SNTG2: variants seen among roughly 807,000 people sequenced by gnomAD.
SNTG2 encodes syntrophin gamma 2.
Under a neutral mutation model 70.9 loss-of-function variants are expected in SNTG2, and 74 were observed. The ratio of observed to expected loss-of-function variants is 1.04; its 90% confidence interval spans 0.86 to 1.27. The LOEUF is 1.27. Ranked by LOEUF, SNTG2 falls within the 50% of genes most tolerant of loss-of-function variation. SNTG2 has a pLI of 0.00. For synonymous variants in SNTG2, 278 were observed against 273.8 expected (o/e 1.02, Z -0.15); for missense variants, 717 against 690.7 (o/e 1.04, Z -0.43).
chr2:998,533 T>C (rs1427436928), intron 1 of SNTG2, among the ~76,000 whole-genome samples: 1 of 151,392 alleles, frequency 6.6e-6, no homozygotes, highest in African/African-American at 2.4e-5. Context: ...GCAGTAACAA[T>C]AGACTAGACC....
chr2:1,104,797 G>C (rs906904958), intron 4 of SNTG2, among the ~76,000 whole-genome samples: 11 of 152,356 alleles, frequency 7.2e-5, no homozygotes, highest in African/African-American at 2.4e-4. Flanking sequence ...GCTGTTTGCT[G>C]TGGTTTTCTC....
chr2:1,005,584 G>C (rs1572212838), intron 1 of SNTG2, among the ~76,000 whole-genome samples: 1 of 151,278 alleles, frequency 6.6e-6, no homozygotes, highest in African/African-American at 2.4e-5. Context: ...CGGGTGGATC[G>C]CCTGAGGTCA....
intron 6 of SNTG2, among the ~76,000 whole-genome samples, chr2:1,149,672 G>GTTTTTTT (rs1221169268): frequency 6.8e-6 from 1 of 146,472 alleles, no homozygotes; most frequent in African/African-American, 2.6e-5. Flanking sequence ...GTTGATTAGC[G>GTTTTTTT]TTTTTTTTTT....
rs58713687 is a variant in SNTG2, at chr2:977,898, C to T, written c.72+26830C>T. 4.8e-3 allele frequency among the ~76,000 whole-genome samples: 727 copies of T among 152,350 alleles called. 7 individuals carry two copies. Among genetic ancestry groups the T allele is most frequent in the African/African-American group, 0.015 (642 of 41,578 alleles). ...AAGTAACTGATCTCATCTCTTTCAT[C>T]TCAGCTCACTGGTTTCTGAGAATGG... is the stretch of plus-strand genomic sequence containing the variant. On this transcript the variant is annotated intron_variant, in intron 1 of 16. Coordinates refer to ENST00000308624, the MANE Select transcript of SNTG2 (RefSeq NM_018968.4).
intron 1 of SNTG2, among the ~76,000 whole-genome samples, chr2:1,040,871 G>A (rs779213988): frequency 3.0e-4 from 46 of 152,162 alleles, no homozygotes; most frequent in Admixed American, 6.5e-4. Context: ...GATGGAGCCC[G>A]GCTGTGCCAT....
At chr2:1,182,287 A>G (rs1671957658) in intron 8 of SNTG2, among the ~76,000 whole-genome samples, 1 of 152,020 alleles carries the variant, frequency 6.6e-6, no homozygotes, top group African/African-American at 2.4e-5. Flanking sequence ...AACCTTTACC[A>G]AAAATGAATA....
At chr2:1,346,288 G>A (rs10890519) in intron 16 of SNTG2, 101,045 of 139,088 alleles carry the variant, frequency 0.73, 37,681 homozygotes, top group East Asian at 0.94. Context: ...CCTGCCTGGC[G>A]CTGGAACTCC....
intron 1 of SNTG2, among the ~76,000 whole-genome samples, chr2:1,054,755 T>C (rs1662282378): frequency 6.6e-6 from 1 of 152,236 alleles, no homozygotes; most frequent in African/African-American, 2.4e-5. Context: ...TTAATGTTGA[T>C]GTATTTTTGG....
intron 1 of SNTG2, among the ~76,000 whole-genome samples, chr2:955,705 T>C (rs55839633): frequency 0.039 from 6,009 of 152,352 alleles, 389 homozygotes; most frequent in African/African-American, 0.14. Flanking sequence ...CATGGAAGAA[T>C]GTTTCTGTTC....
At chr2:1,071,415 A>G (rs1663536876) in intron 1 of SNTG2, among the ~76,000 whole-genome samples, 1 of 146,744 alleles carries the variant, frequency 6.8e-6, no homozygotes. Flanking sequence ...AAAACCAAAC[A>G]CCGCATATTC....
chr2:1,212,215 G>T (rs1396777459), intron 9 of SNTG2, among the ~76,000 whole-genome samples: 1 of 152,150 alleles, frequency 6.6e-6, no homozygotes, highest in African/African-American at 2.4e-5. Context: ...TTCTGACAGT[G>T]AGTGGGTTCT....
At chr2:995,224 T>C (rs1032161468) in intron 1 of SNTG2, among the ~76,000 whole-genome samples, 5 of 152,110 alleles carry the variant, frequency 3.3e-5, no homozygotes, top group Non-Finnish European at 2.9e-5. Context: ...TTTATCAGAT[T>C]GAGGAAGTTC....
At chr2:1,175,999 T>G in intron 8 of SNTG2, among the ~76,000 whole-genome samples, 1 of 152,220 alleles carries the variant, frequency 6.6e-6, no homozygotes, top group East Asian at 1.9e-4. Flanking sequence ...TTGGTGGATG[T>G]GATCCTCATG....
At chr2:1,235,800 G>A (rs904870458) in intron 9 of SNTG2, among the ~76,000 whole-genome samples, 24 of 152,244 alleles carry the variant, frequency 1.6e-4, no homozygotes, top group South Asian at 2.1e-4. Flanking sequence ...GAATAAAAGC[G>A]TAGAGCTCTG....
intron 16 of SNTG2, among the ~76,000 whole-genome samples, chr2:1,358,362 A>T (rs1360838538): frequency 7.5e-6 from 1 of 132,502 alleles, no homozygotes; most frequent in Non-Finnish European, 1.6e-5. Context: ...TCTTTCATTT[A>T]GTTCTGCTCC....
chr2:1,192,907 G>A (rs4414715), intron 8 of SNTG2, among the ~76,000 whole-genome samples: 13,357 of 152,238 alleles, frequency 0.088, 904 homozygotes, highest in East Asian at 0.21. Flanking sequence ...CTGTTAATCA[G>A]AAGGTGCCCT....
At chr2:977,115 T>C (rs1428074404) in intron 1 of SNTG2, among the ~76,000 whole-genome samples, 2 of 152,212 alleles carry the variant, frequency 1.3e-5, no homozygotes, top group African/African-American at 4.8e-5. Flanking sequence ...AGCCGCAGGT[T>C]CTTCTCTGAA....
intron 1 of SNTG2, among the ~76,000 whole-genome samples, chr2:1,030,724 A>G (rs991780621): frequency 6.6e-6 from 1 of 152,234 alleles, no homozygotes; most frequent in East Asian, 1.9e-4. Context: ...TGTTGGCAAC[A>G]TGTTATGTGT....
At chr2:1,068,183 C>T (rs1236920538) in intron 1 of SNTG2, 1 of 152,134 alleles carries the variant, frequency 6.6e-6, no homozygotes, top group Non-Finnish European at 1.5e-5. Context: ...GTGTGTCACC[C>T]AATAATCCAA....
Sources: allele counts gnomAD v4.1 joint callset (sites outside exome capture counted in the v4.1 genomes callset), GRCh38; gene constraint gnomAD v4.1.1; transcripts MANE v1.5; gene names NCBI Gene and HGNC (gene_info 2026-07-23, HGNC 2026-07-21).